The following VWDE variants were observed in gnomAD, a reference collection of about 807,000 sequenced individuals.
VWDE encodes von Willebrand factor D and EGF domain-containing protein.
A neutral mutation model predicts 178.4 loss-of-function variants in VWDE; 207 were observed. The observed-to-expected ratio is 1.16, with a 90% CI of 1.04 to 1.30. The LOEUF (loss-of-function observed/expected upper bound fraction) is 1.30, where lower values mean the gene tolerates loss of function less well. Among genes scored for constraint, VWDE ranks in the 50% most tolerant of loss-of-function variants. VWDE has a pLI of 0.00. For missense variants in VWDE, 2,287 were observed against 1,901.3 expected, an observed-to-expected ratio of 1.20 and a Z score of -3.77; for synonymous variants, 738 against 651.4, an observed-to-expected ratio of 1.13 and a Z score of -2.02.
At chr7:12,372,937 A>T in intron 10 of VWDE, 40 bp downstream of exon 10, 1 of 1,526,560 alleles carries the variant, frequency 6.6e-7, no homozygotes, top group Non-Finnish European at 8.8e-7. Context: ...TGAAAGGAGA[A>T]AAAGGAAAAA....
At position 12,380,643 on chromosome 7, in the gene VWDE, G is replaced by T; in HGVS notation, c.632C>A (p.Ser211Tyr). 6.4e-7 allele frequency: 1 copy of T among 1,552,202 alleles called. No homozygotes were observed. Among genetic ancestry groups the T allele is most frequent in the Admixed American group, 2.0e-5 (1 of 50,992 alleles). The change falls in exon 5 of 29, where the codon TCT becomes TAT. Residue 211 changes from serine (S) to tyrosine (Y), a missense_variant. Physicochemically the swap from Ser to Tyr is moderately radical, Grantham distance 144. Coordinates refer to ENST00000275358, the MANE Select transcript of VWDE (RefSeq NM_001135924.3). The part of the protein sequence containing the change: ...LIESRLFCRC[S>Y]FDVPATKNSV... ...GTTTTTTGTAGCGGGAACATCAAAA[G>T]AACACCTACAGAAAAGCCTGGACTC...
At chr7:12,356,572 A>G (rs1782264783) in intron 17 of VWDE, among the ~76,000 whole-genome samples, 1 of 152,178 alleles carries the variant, frequency 6.6e-6, no homozygotes, top group South Asian at 2.1e-4. Context: ...CTTTTCTAAA[A>G]AAAAAGTTAC....
At chr7:12,392,452 G>A (rs75899468) in intron 2 of VWDE, among the ~76,000 whole-genome samples, 4,827 of 152,180 alleles carry the variant, frequency 0.032, 264 homozygotes, top group African/African-American at 0.11. Context: ...ATAACTGGTC[G>A]AAGTATGATA....
chr7:12,362,897 A>G (rs571049065), intron 13 of VWDE, among the ~76,000 whole-genome samples: 1 of 152,238 alleles, frequency 6.6e-6, no homozygotes, highest in South Asian at 2.1e-4. Context: ...AGGTGAATGT[A>G]CAGTCTCGGT....
intron 13 of VWDE, among the ~76,000 whole-genome samples, chr7:12,366,512 G>T (rs1782868215): frequency 6.6e-6 from 1 of 151,926 alleles, no homozygotes; most frequent in Non-Finnish European, 1.5e-5. Flanking sequence ...TTTCTATTTT[G>T]TCTTATTACT....
At chr7:12,349,083 C>T (rs926444933) in intron 19 of VWDE, among the ~76,000 whole-genome samples, 28 of 151,958 alleles carry the variant, frequency 1.8e-4, no homozygotes, top group African/African-American at 3.9e-4. Context: ...TTGTGCGGTG[C>T]GGGGAGAGGG....
At chr7:12,346,790 G>A (rs1331941734) in intron 19 of VWDE, among the ~76,000 whole-genome samples, 1 of 151,922 alleles carries the variant, frequency 6.6e-6, no homozygotes, top group Non-Finnish European at 1.5e-5. Context: ...TTTAGGATTT[G>A]ATTTTGCACT....
intron 18 of VWDE, among the ~76,000 whole-genome samples, chr7:12,355,416 A>AG (rs965953374): frequency 1.9e-3 from 14 of 7,216 alleles, no homozygotes; most frequent in Non-Finnish European, 2.7e-3. Flanking sequence ...ACTCCGTCTC[A>AG]AAAAAAAAAA....
intron 27 of VWDE, among the ~76,000 whole-genome samples, chr7:12,335,530 A>C (rs1780972428): frequency 6.6e-6 from 1 of 151,414 alleles, no homozygotes; most frequent in African/African-American, 2.4e-5. Flanking sequence ...ATCTCTGCTC[A>C]CTGCAAGCTC....
intron 13 of VWDE, among the ~76,000 whole-genome samples, chr7:12,364,102 A>T (rs1176948413): frequency 6.6e-6 from 1 of 152,058 alleles, no homozygotes; most frequent in Non-Finnish European, 1.5e-5. Flanking sequence ...AAGAGTTACA[A>T]ATAAGGAAAG....
intron 7 of VWDE, among the ~76,000 whole-genome samples, chr7:12,376,014 G>C (rs1441629988): frequency 6.6e-6 from 1 of 151,990 alleles, no homozygotes; most frequent in Non-Finnish European, 1.5e-5. Flanking sequence ...GAAAAAAGTT[G>C]TTAAAAAATG....
chr7:12,347,427 G>C (rs1261424425), intron 19 of VWDE, among the ~76,000 whole-genome samples: 2 of 151,960 alleles, frequency 1.3e-5, no homozygotes, highest in South Asian at 2.1e-4. Flanking sequence ...ATATATCAGA[G>C]ATATCATAAA....
In VWDE at chr7:12,403,717, C is replaced by G. The variant is rs1265307151; in HGVS notation, c.-1G>C. On this transcript the variant is annotated 5_prime_UTR_variant, in exon 1 of 29. Transcript: ENST00000275358. ...CCAGCACGCAGGCTCCGCCAGGCATCGCTGCTTCCGCAGGTGGGGCGAAAG... is the reference window on the plus strand; with the variant it reads ...CCAGCACGCAGGCTCCGCCAGGCATGGCTGCTTCCGCAGGTGGGGCGAAAG... The G allele has an allele frequency of 6.5e-7, 1 of 1,550,140 alleles. No homozygotes were observed. The highest frequency in any genetic ancestry group is 8.7e-7 in the Non-Finnish European group (1 of 1,146,468).
intron 12 of VWDE, among the ~76,000 whole-genome samples, chr7:12,369,127 A>G (rs2128555198): frequency 6.6e-6 from 1 of 152,282 alleles, no homozygotes; most frequent in Non-Finnish European, 1.5e-5. Context: ...AAACTATATA[A>G]ACACAGTGCT....
At chr7:12,380,061 G>A (rs1347901543) in intron 5 of VWDE, among the ~76,000 whole-genome samples, 6 of 151,132 alleles carry the variant, frequency 4.0e-5, no homozygotes, top group Non-Finnish European at 7.4e-5. Flanking sequence ...CCGAGATCGC[G>A]CCACTGCACT....
At chr7:12,375,640 A>G (rs1307023016) in intron 7 of VWDE, among the ~76,000 whole-genome samples, 1 of 152,010 alleles carries the variant, frequency 6.6e-6, no homozygotes, top group Non-Finnish European at 1.5e-5. Flanking sequence ...AATATTTCTT[A>G]GCATATGTGT....
chr7:12,354,447 C>CT (rs1212309094), intron 18 of VWDE: 1 of 426,732 alleles, frequency 2.3e-6, no homozygotes, highest in Admixed American at 2.7e-5. Context: ...CAAAGCAAGG[C>CT]TTGGAGTCAC....
intron 28 of VWDE, among the ~76,000 whole-genome samples, chr7:12,332,577 T>A (rs892501418): frequency 6.6e-6 from 1 of 152,180 alleles, no homozygotes; most frequent in African/African-American, 2.4e-5. Context: ...ATACTTAGGC[T>A]GCCTTCAAAC....
At chr7:12,374,337 C>T (rs571961499) in intron 9 of VWDE, among the ~76,000 whole-genome samples, 1 of 151,872 alleles carries the variant, frequency 6.6e-6, no homozygotes, top group Non-Finnish European at 1.5e-5. Context: ...TTTGCCTAAA[C>T]TTAAAGATTG....
Sources: gnomAD v4.1 joint callset for allele counts (sites outside exome capture counted in the v4.1 genomes callset) on GRCh38, gnomAD v4.1.1 for gene constraint, MANE v1.5 for transcripts, NCBI Gene and HGNC (gene_info 2026-07-23, HGNC 2026-07-21) for gene names.